ADGRF1: variants seen among roughly 807,000 people sequenced by gnomAD.
ADGRF1 encodes the protein adhesion G protein-coupled receptor F1.
In ADGRF1, 85 loss-of-function variants were observed where a neutral mutation model predicts 87.2. The observed-to-expected ratio is 0.97, with a 90% CI of 0.82 to 1.17. The LOEUF (loss-of-function observed/expected upper bound fraction) is 1.17, where lower values mean the gene tolerates loss of function less well. Among genes scored for constraint, ADGRF1 ranks in the 50% most tolerant of loss-of-function variants. The pLI is 0.00. For synonymous variants in ADGRF1, 430 were observed against 408.8 expected (o/e 1.05, Z -0.63); for missense variants, 1,169 against 1,077.2 (o/e 1.09, Z -1.19).
intron 6 of ADGRF1, 27 bp downstream of exon 6, chr6:47,021,931 C>A (rs1164927965): frequency 2.4e-5 from 29 of 1,227,958 alleles, no homozygotes; most frequent in Non-Finnish European, 3.4e-5. Context: ...CAAACGATTC[C>A]TTATATAATA....
intron 7 of ADGRF1, chr6:47,019,519 G>A (rs982662313): frequency 3.7e-5 from 13 of 348,906 alleles, no homozygotes; most frequent in South Asian, 1.2e-4. Context: ...CCATCTCTAC[G>A]AAAAATACAA....
chr6:47,023,915 A>G, intron 5 of ADGRF1, 129 bp downstream of exon 5: 1 of 780,106 alleles, frequency 1.3e-6, no homozygotes, highest in Non-Finnish European at 2.0e-6. Flanking sequence ...GCCTAACATG[A>G]TGTATCATCA....
chr6:47,017,395 C>G (rs535729666), intron 7 of ADGRF1: 2 of 152,222 alleles, frequency 1.3e-5, no homozygotes, highest in South Asian at 4.2e-4. Context: ...GGGAAGCAAG[C>G]AAGGTACAGG....
At chr6:47,020,648 G>A (rs1780019682) in intron 7 of ADGRF1, 83 bp downstream of exon 7, 5 of 1,586,896 alleles carry the variant, frequency 3.2e-6, no homozygotes, top group Middle Eastern at 1.7e-4. Flanking sequence ...TTCTGTCAGG[G>A]TCACCTAAAA....
intron 1 of ADGRF1, among the ~76,000 whole-genome samples, chr6:47,033,637 G>T (rs1017754431): frequency 2.0e-5 from 3 of 152,268 alleles, no homozygotes; most frequent in Non-Finnish European, 2.9e-5. Context: ...AAAAGAGCAG[G>T]TCTCCACATA....
intron 3 of ADGRF1, among the ~76,000 whole-genome samples, chr6:47,026,499 T>C (rs1239977761): frequency 6.6e-6 from 1 of 152,140 alleles, no homozygotes; most frequent in Non-Finnish European, 1.5e-5. Flanking sequence ...GGTATTTATA[T>C]GAAATCCAAA....
At chr6:47,013,098 T>G (rs1400384116) in intron 9 of ADGRF1, 1 of 985,352 alleles carries the variant, frequency 1.0e-6, no homozygotes, top group East Asian at 1.1e-4. Flanking sequence ...ACTTCTTTCT[T>G]GAGGCTCCCA....
chr6:47,004,687 T>C (rs567562897), intron 13 of ADGRF1, among the ~76,000 whole-genome samples: 2 of 152,370 alleles, frequency 1.3e-5, no homozygotes, highest in East Asian at 1.9e-4. Context: ...AATGACTCAT[T>C]AGTTTCACAA....
At chr6:47,030,029 A>T (rs1780363697) in intron 1 of ADGRF1, among the ~76,000 whole-genome samples, 1 of 152,262 alleles carries the variant, frequency 6.6e-6, no homozygotes, top group Admixed American at 6.5e-5. Context: ...CAGTGGAATA[A>T]GTGTCCTTGC....
At chr6:47,031,604 G>A (rs1223929230) in intron 1 of ADGRF1, among the ~76,000 whole-genome samples, 1 of 152,176 alleles carries the variant, frequency 6.6e-6, no homozygotes, top group African/African-American at 2.4e-5. Flanking sequence ...GACAAGTGAG[G>A]AAGGGAGGGA....
intron 6 of ADGRF1, among the ~76,000 whole-genome samples, chr6:47,021,395 C>T (rs1419357513): frequency 2.0e-5 from 3 of 152,130 alleles, no homozygotes; most frequent in African/African-American, 7.2e-5. Flanking sequence ...GAGTCTCACT[C>T]TGTCACCCAG....
intron 9 of ADGRF1, chr6:47,013,282 G>A: frequency 1.0e-6 from 1 of 985,422 alleles, no homozygotes; most frequent in Non-Finnish European, 1.2e-6. Context: ...GAGCGAACTA[G>A]TCTCAACTAT....
Position 47,001,517 on chromosome 6 carries a change from G to A in ADGRF1, c.2643C>T (p.Asn881=), listed in dbSNP as rs751779179. ...GTAACTCACCTTTGTTTTGCAGTGG[G>A]TTGAAAGGCTTTGAGAATTTGGGTT... ...SAKPKFSKPF[N]PLQNKGHYAF... Residue 881 remains asparagine (N), a synonymous_variant, in exon 14 of 15, where the codon AAC becomes AAT. Coordinates refer to ENST00000371253, the MANE Select transcript of ADGRF1 (RefSeq NM_153840.4). The A allele has an allele frequency of 5.0e-6, 8 of 1,613,758 alleles. No homozygotes were observed. The South Asian group carries it at 8.8e-5, about 18-fold the overall frequency.
In ADGRF1 at chr6:47,025,867, T is replaced by C. The variant is rs1780214845; in HGVS notation, c.264A>G (p.Ala88=). ...GAGCCACCTTACCTGTGGTAGCCTT[T>C]GCTCTGATAATTCTAATTAGCCCAT... ...WSHGLIRIIR[A]KATTDCNSLN... is the part of the protein sequence containing the mutation. Residue 88 remains alanine, a synonymous_variant, in exon 4 of 15, where the codon GCA becomes GCG. Coordinates refer to ENST00000371253, the MANE Select transcript of ADGRF1 (RefSeq NM_153840.4). 7 of 1,602,320 alleles carry C rather than the reference T, an allele frequency of 4.4e-6. No individual in the cohort carries two copies. Among genetic ancestry groups the C allele is most frequent in the Middle Eastern group, 1.7e-4 (1 of 5,992 alleles).
chr6:47,012,745 C>A (rs1399871971), intron 9 of ADGRF1: 9 of 985,310 alleles, frequency 9.1e-6, no homozygotes, highest in Non-Finnish European at 1.1e-5. Context: ...GGGCTTGTGC[C>A]AGCCCCCGTT....
chr6:47,026,317 T>C (rs2113900050), intron 3 of ADGRF1, among the ~76,000 whole-genome samples: 1 of 152,174 alleles, frequency 6.6e-6, no homozygotes, highest in African/African-American at 2.4e-5. Flanking sequence ...GAGTCAAGCT[T>C]CAGGTGTCAA....
At chr6:47,037,264 A>AT (rs1780613960) in intron 1 of ADGRF1, among the ~76,000 whole-genome samples, 2 of 151,934 alleles carry the variant, frequency 1.3e-5, no homozygotes, top group African/African-American at 4.8e-5. Flanking sequence ...GACCATTTGT[A>AT]TTTTTTTCCA....
intron 11 of ADGRF1, among the ~76,000 whole-genome samples, chr6:47,007,866 G>T (rs545085563): frequency 3.3e-5 from 5 of 152,288 alleles, no homozygotes; most frequent in Admixed American, 3.3e-4. Flanking sequence ...CCCAACAGGG[G>T]TGCCCTAAGC....
Position 46,999,771 on chromosome 6 carries a change from A to T in ADGRF1, c.*451T>A, listed in dbSNP as rs1779309147. The T allele has an allele frequency of 1.3e-5, 2 of 152,480 alleles. No individual in the cohort carries two copies. The highest frequency in any genetic ancestry group is 4.8e-5 in the African/African-American group (2 of 41,472). 9.4% of individuals were successfully genotyped at this position (152,480 alleles called of 1,614,324 possible). On this transcript the variant is annotated 3_prime_UTR_variant, in exon 15 of 15. Coordinates refer to ENST00000371253, the MANE Select transcript of ADGRF1 (RefSeq NM_153840.4). ...AGAGAAATGGTTTTTTCTCTAGGAA[A>T]TTTGCACTAATAACTTTTTCCCACC...
Sources: gnomAD v4.1 joint callset for allele counts (sites outside exome capture counted in the v4.1 genomes callset) on GRCh38, gnomAD v4.1.1 for gene constraint, MANE v1.5 for transcripts, NCBI Gene and HGNC (gene_info 2026-07-23, HGNC 2026-07-21) for gene names.